The following KCNQ5 variants were observed in gnomAD, a reference collection of about 807,000 sequenced individuals.
KCNQ5 encodes the protein potassium voltage-gated channel subfamily KQT member 5.
A neutral mutation model predicts 98.2 loss-of-function variants in KCNQ5; 30 were observed. That is an observed-to-expected ratio of 0.31 (90% CI 0.23 to 0.41). The LOEUF (loss-of-function observed/expected upper bound fraction) is 0.41. KCNQ5 is among the 10% of genes least tolerant of loss of function. The pLI is 1.00. For missense variants in KCNQ5, 835 were observed against 1,182.5 expected (o/e 0.71, Z 4.31); for synonymous variants, 458 against 449.4 (o/e 1.02, Z -0.24).
intron 1 of KCNQ5, among the ~76,000 whole-genome samples, chr6:72,691,507 G>A (rs936776876): frequency 1.3e-5 from 2 of 152,166 alleles, no homozygotes; most frequent in East Asian, 1.9e-4. Context: ...TACTGACGCC[G>A]AAGACGAATA....
intron 1 of KCNQ5, among the ~76,000 whole-genome samples, chr6:72,999,465 A>G (rs551340632): frequency 8.5e-5 from 13 of 152,348 alleles, no homozygotes; most frequent in Admixed American, 7.2e-4. Flanking sequence ...CTAATTTTGA[A>G]GGAATATCCA....
chr6:72,996,393 T>C (rs1263943555), intron 1 of KCNQ5, among the ~76,000 whole-genome samples: 2 of 152,220 alleles, frequency 1.3e-5, no homozygotes, highest in East Asian at 1.9e-4. Flanking sequence ...AATAAAATCC[T>C]GAGAGAAATT....
chr6:73,177,427 C>G (rs952923013), intron 11 of KCNQ5, among the ~76,000 whole-genome samples: 1 of 152,206 alleles, frequency 6.6e-6, no homozygotes, highest in Non-Finnish European at 1.5e-5. Context: ...TCAGGCCTCA[C>G]TGTTACCCTG....
chr6:72,941,544 TTTCCTTCTTCCCTCCC>T (rs1446231278), intron 1 of KCNQ5, among the ~76,000 whole-genome samples: 1 of 56,674 alleles, frequency 1.8e-5, no homozygotes, highest in African/African-American at 3.9e-5. Flanking sequence ...CCCTCCTTCC[TTTCCTTCTTCCCTCCC>T]TCCTTCCTTC....
At chr6:72,736,565 T>TC (rs1770852157) in intron 1 of KCNQ5, among the ~76,000 whole-genome samples, 1 of 138,458 alleles carries the variant, frequency 7.2e-6, no homozygotes, top group Non-Finnish European at 1.5e-5. Context: ...AGTGGCGGGA[T>TC]CTCGGCTCAC....
intron 1 of KCNQ5, among the ~76,000 whole-genome samples, chr6:72,706,097 A>G (rs1156410153): frequency 1.3e-5 from 2 of 152,108 alleles, no homozygotes; most frequent in African/African-American, 4.8e-5. Context: ...AATATTAAGC[A>G]CTATAAAAAT....
At chr6:72,633,020 G>C (rs967987274) in intron 1 of KCNQ5, among the ~76,000 whole-genome samples, 8 of 152,162 alleles carry the variant, frequency 5.3e-5, no homozygotes, top group African/African-American at 1.7e-4. Flanking sequence ...GCTTTCCACA[G>C]TGACTCAACT....
chr6:72,778,885 A>G (rs1773305350), intron 1 of KCNQ5, among the ~76,000 whole-genome samples: 1 of 152,230 alleles, frequency 6.6e-6, no homozygotes, highest in Non-Finnish European at 1.5e-5. Context: ...TGTATTGAAT[A>G]TAGAAGAGGT....
Position 72,664,274 on chromosome 6 carries a change from C to T in KCNQ5, c.398+41687C>T, listed in dbSNP as rs141202781. Among the ~76,000 whole-genome samples the T allele has an allele frequency of 1.1e-4, 17 of 152,264 alleles. 1 individual carries two copies. Among genetic ancestry groups the T allele is most frequent in the African/African-American group, 2.9e-4 (12 of 41,560 alleles). On this transcript the variant is annotated intron_variant, in intron 1 of 13. Coordinates refer to ENST00000370398, the MANE Select transcript of KCNQ5 (RefSeq NM_019842.4). ...ACAGTTAAATTTATTCCTGAAATCT[C>T]TCAAAACGTCGGGTTCCTTGACAAA...
In KCNQ5 at chr6:73,059,646, A is replaced by C. The variant is rs563695410; in HGVS notation, c.616+17584A>C. Among the ~76,000 whole-genome samples the C allele has an allele frequency of 2.0e-5, 3 of 152,268 alleles. No homozygotes were observed. In the East Asian group the frequency reaches 5.8e-4, roughly 29 times the overall value. On this transcript the variant is annotated intron_variant, in intron 3 of 13. Transcript: ENST00000370398. ...CATTAAATTAGACCATGCTGTCTTA[A>C]ATGACATCTTATTTTCATAGAAATC... is the stretch of plus-strand genomic sequence containing the variant.
At chr6:73,122,594 G>A (rs1413248629) in intron 8 of KCNQ5, among the ~76,000 whole-genome samples, 1 of 152,168 alleles carries the variant, frequency 6.6e-6, no homozygotes, top group East Asian at 1.9e-4. Context: ...TGTCCAGAAT[G>A]ACACAGCAGT....
chr6:73,075,262 C>CA (rs1358558807), intron 3 of KCNQ5, among the ~76,000 whole-genome samples: 10 of 148,230 alleles, frequency 6.7e-5, no homozygotes, highest in Non-Finnish European at 1.0e-4. Flanking sequence ...CTTGCTCTGT[C>CA]GCTAGGCTGG....
chr6:73,134,085 CCT>C, intron 10 of KCNQ5: 1 of 444,750 alleles, frequency 2.2e-6, no homozygotes, highest in South Asian at 1.6e-5. Context: ...GTGCTCTTTC[CCT>C]CTCTCACACA....
At chr6:72,689,117 T>G (rs996401939) in intron 1 of KCNQ5, among the ~76,000 whole-genome samples, 1 of 152,218 alleles carries the variant, frequency 6.6e-6, no homozygotes, top group Non-Finnish European at 1.5e-5. Context: ...ATTTTGAGGT[T>G]TAAAGTAAAT....
chr6:72,964,014 G>T (rs1767495406), intron 1 of KCNQ5, among the ~76,000 whole-genome samples: 1 of 152,118 alleles, frequency 6.6e-6, no homozygotes, highest in Non-Finnish European at 1.5e-5. Flanking sequence ...CAGTCATGAT[G>T]AGTTTCAGTG....
intron 1 of KCNQ5, among the ~76,000 whole-genome samples, chr6:72,694,706 CTTTTTTTAAAATAA>C (rs1768393369): frequency 6.6e-6 from 1 of 152,092 alleles, no homozygotes; most frequent in African/African-American, 2.4e-5. Context: ...GGAACTACAC[CTTTTTTTAAAATAA>C]TTTCAACTTT....
chr6:72,862,401 G>A (rs1322484734), intron 1 of KCNQ5, among the ~76,000 whole-genome samples: 1 of 152,176 alleles, frequency 6.6e-6, no homozygotes, highest in South Asian at 2.1e-4. Context: ...CAAATAACTT[G>A]CTTCCTCATT....
At chr6:73,150,848 G>GTGTA (rs1167132864) in intron 10 of KCNQ5, among the ~76,000 whole-genome samples, 1 of 151,418 alleles carries the variant, frequency 6.6e-6, no homozygotes, top group East Asian at 1.9e-4. Flanking sequence ...GTGTGTGTGT[G>GTGTA]TGTATATCCA....
intron 1 of KCNQ5, among the ~76,000 whole-genome samples, chr6:72,750,900 A>G (rs1266713968): frequency 6.6e-6 from 1 of 152,058 alleles, no homozygotes; most frequent in African/African-American, 2.4e-5. Flanking sequence ...CCTTTGACAT[A>G]CTTAATGAGT....
Sources: gnomAD v4.1 joint callset for allele counts (sites outside exome capture counted in the v4.1 genomes callset) on GRCh38, gnomAD v4.1.1 for gene constraint, MANE v1.5 for transcripts, NCBI Gene and HGNC (gene_info 2026-07-23, HGNC 2026-07-21) for gene names.